TNRC18: variants seen among roughly 807,000 people sequenced by gnomAD.
TNRC18 encodes trinucleotide repeat-containing gene 18 protein.
In TNRC18, 69 loss-of-function variants were observed where a neutral mutation model predicts 226.7. That is an observed-to-expected ratio of 0.30 (90% CI 0.25 to 0.37). The LOEUF (loss-of-function observed/expected upper bound fraction) is 0.37, where lower values mean the gene tolerates loss of function less well. Ranked by LOEUF, TNRC18 falls within the 10% of genes least tolerant of loss-of-function variation. The pLI is 1.00. For synonymous variants in TNRC18, 2,449 were observed against 1,927.6 expected, an observed-to-expected ratio of 1.27 and a Z score of -7.09; for missense variants, 4,754 against 4,256.6, an observed-to-expected ratio of 1.12 and a Z score of -3.25.
rs530533363 is a variant in TNRC18, at chr7:5,397,686, G to A, written c.188-3091C>T. ...CTTTCCCGCCTGGCCCGTCAGGCACGAACTCCCAGGCCTCCTAGAATGCTC... is the reference window on the plus strand; with the variant it reads ...CTTTCCCGCCTGGCCCGTCAGGCACAAACTCCCAGGCCTCCTAGAATGCTC... On this transcript the variant is annotated intron_variant, in intron 2 of 29. Coordinates refer to ENST00000430969, the MANE Select transcript of TNRC18 (RefSeq NM_001080495.3). Among the ~76,000 whole-genome samples, 3 of 152,144 alleles carry A rather than the reference G, an allele frequency of 2.0e-5. No individual in the cohort carries two copies. In the South Asian group the frequency reaches 6.2e-4, roughly 32 times the overall value.
chr7:5,338,643 C>T (rs960447009), intron 18 of TNRC18, among the ~76,000 whole-genome samples: 2 of 144,614 alleles, frequency 1.4e-5, no homozygotes, highest in African/African-American at 2.6e-5. Context: ...AAAAAGAGCT[C>T]GGCACAGTAG....
Position 5,359,554 on chromosome 7 carries a change from A to G in TNRC18, c.4677T>C (p.Ser1559=). The change falls in exon 15 of 30, where the codon TCT becomes TCC. Residue 1559 remains serine, a synonymous_variant. Coordinates refer to ENST00000430969, the MANE Select transcript of TNRC18 (RefSeq NM_001080495.3). The part of the protein sequence containing the change: ...GHSSGKLSSK[S]LLTSDDYELG... ...GCTCATAATCATCTGATGTCAGCAG[A>G]GACTTGCTGCTCAGCCTGAAACGCA... is the stretch of plus-strand genomic sequence containing the variant. 6.2e-7 allele frequency: 1 copy of G among 1,613,898 alleles called. No homozygotes were observed. Among genetic ancestry groups the G allele is most frequent in the East Asian group, 2.2e-5 (1 of 44,880 alleles).
intron 18 of TNRC18, among the ~76,000 whole-genome samples, chr7:5,335,451 T>C (rs1789997957): frequency 1.4e-5 from 2 of 147,350 alleles, no homozygotes; most frequent in South Asian, 2.1e-4. Context: ...CTGATAAAAA[T>C]ACAAAAATTA....
intron 18 of TNRC18, 102 bp from the exon 19 acceptor site, chr7:5,333,151 CAAT>C: frequency 7.6e-7 from 1 of 1,323,972 alleles, no homozygotes; most frequent in Non-Finnish European, 1.0e-6. Flanking sequence ...ACCTCCCCGC[CAAT>C]GGCAGCGCTT....
At chr7:5,332,440 A>G (rs544532787) in intron 19 of TNRC18, among the ~76,000 whole-genome samples, 182 bp downstream of exon 19, 1 of 152,292 alleles carries the variant, frequency 6.6e-6, no homozygotes, top group African/African-American at 2.4e-5. Flanking sequence ...CTTAAGAAAC[A>G]AAGGAACAGG....
Position 5,350,645 on chromosome 7 carries a change from C to T in TNRC18, c.5470+1174G>A, listed in dbSNP as rs565709489. Among the ~76,000 whole-genome samples the T allele has an allele frequency of 2.0e-5, 3 of 152,366 alleles. No homozygotes were observed. In the South Asian group the frequency reaches 6.2e-4, roughly 32 times the overall value. ...GCTAGGAAAAAATGTCAGAGATTCA[C>T]TTGCTTCCCTTTCTTGGGGCATTTC... On this transcript the variant is annotated intron_variant, in intron 17 of 29. Coordinates refer to ENST00000430969, the MANE Select transcript of TNRC18 (RefSeq NM_001080495.3).
chr7:5,411,994 G>C (rs1453569355), intron 2 of TNRC18, among the ~76,000 whole-genome samples: 1 of 152,014 alleles, frequency 6.6e-6, no homozygotes, highest in Non-Finnish European at 1.5e-5. Flanking sequence ...AGACCAGCCT[G>C]GGCAACATAG....
intron 27 of TNRC18, among the ~76,000 whole-genome samples, chr7:5,311,249 G>C (rs1380105397): frequency 6.6e-6 from 1 of 152,270 alleles, no homozygotes; most frequent in African/African-American, 2.4e-5. Flanking sequence ...GCAAGTGTGT[G>C]TGCGTGTGTG....
At position 5,371,163 on chromosome 7, in the gene TNRC18, A is replaced by C. The variant is rs757238367; in HGVS notation, c.3431T>G (p.Leu1144Arg). Reference sequence around the variant, plus strand: ...CGGTTCTTCCTCCGGGCCCTCCCGCAGCGGCTCTGTGATCTTGGAGGGGGA... The same window carrying C: ...CGGTTCTTCCTCCGGGCCCTCCCGCCGCGGCTCTGTGATCTTGGAGGGGGA... ...RLSPSKITEP[L>R]REGPEEEPLA... is the part of the protein sequence containing the mutation. The change falls in exon 11 of 30, where the codon CTG (leucine) becomes CGG (arginine). Residue 1144 changes from leucine to arginine, a missense_variant. Leu to Arg is a moderately radical substitution (Grantham distance 102, BLOSUM62 -2). Transcript: ENST00000430969. 6 of 1,608,102 alleles carry C rather than the reference A, an allele frequency of 3.7e-6. No individual in the cohort carries two copies. The highest frequency in any genetic ancestry group is 5.1e-6 in the Non-Finnish European group (6 of 1,176,018).
intron 11 of TNRC18, among the ~76,000 whole-genome samples, chr7:5,368,296 A>T (rs1211995709): frequency 6.8e-6 from 1 of 147,536 alleles, no homozygotes; most frequent in Non-Finnish European, 1.5e-5. Flanking sequence ...GCGAAACCCC[A>T]TCTCTACTTT....
rs760566370 is a variant in TNRC18, at chr7:5,377,909, C to T, written c.2255+13G>A. 6.2e-7 allele frequency: 1 copy of T among 1,613,172 alleles called. No homozygotes were observed. The highest frequency in any genetic ancestry group is 1.7e-5 in the Admixed American group (1 of 59,964). ...ATACCCCCTAGACCCTCAGGATCCC[C>T]CGACACCCTCACCTGAGCAGCTTCT... On this transcript the variant is annotated intron_variant, in intron 6 of 29. Transcript: ENST00000430969. The surrounding 1 kb of genome is among the most constrained non-coding windows in gnomAD (Gnocchi z 5.8).
chr7:5,307,549 C>CCAAGT lies in TNRC18; in HGVS notation c.*552_*556dup, dbSNP rs986460555. 10 of 450,246 alleles carry CCAAGT rather than the reference C, an allele frequency of 2.2e-5. No individual in the cohort carries two copies. Among genetic ancestry groups the CCAAGT allele is most frequent in the African/African-American group, 1.8e-4 (9 of 49,812 alleles). 27.9% of individuals were successfully genotyped at this position (450,246 alleles called of 1,614,324 possible). ...CTGCAACCCCACCCGGCTCTGTTCC[C>CCAAGT]CAAGTCTAGGCCATCCTGAGAGGGT... On this transcript the variant is annotated 3_prime_UTR_variant, in exon 30 of 30. Transcript: ENST00000430969.
At position 5,418,643 on chromosome 7, in the gene TNRC18, G is replaced by A. The variant is rs145190662; in HGVS notation, c.187+2417C>T. On this transcript the variant is annotated intron_variant, in intron 2 of 29. Coordinates refer to ENST00000430969, the MANE Select transcript of TNRC18 (RefSeq NM_001080495.3). ...TGGCTCAACCGCTCAGGACTTCCCG[G>A]TACAAAAATAAACAAATAAAGATGG... 4.9e-3 allele frequency among the ~76,000 whole-genome samples: 753 copies of A among 152,274 alleles called. 4 individuals carry two copies. Among genetic ancestry groups the A allele is most frequent in the African/African-American group, 0.017 (721 of 41,536 alleles).
chr7:5,315,161 G>A lies in TNRC18; in HGVS notation c.6863-13C>T. ...GACGGCTCAGCACCTGTGGGGCAGA[G>A]GACAGAGTGGCTCATCAGGCCTGGG... is the stretch of plus-strand genomic sequence containing the variant. On this transcript the variant is annotated splice_polypyrimidine_tract_variant and intron_variant, in intron 25 of 29. Coordinates refer to ENST00000430969, the MANE Select transcript of TNRC18 (RefSeq NM_001080495.3). 2 of 1,609,108 alleles carry A rather than the reference G, an allele frequency of 1.2e-6. No individual in the cohort carries two copies. Among genetic ancestry groups the A allele is most frequent in the Non-Finnish European group, 1.7e-6 (2 of 1,178,276 alleles).
chr7:5,401,047 A>G (rs1467704689), intron 2 of TNRC18, among the ~76,000 whole-genome samples: 8 of 152,126 alleles, frequency 5.3e-5, no homozygotes, highest in African/African-American at 1.9e-4. Flanking sequence ...AAAATTTATT[A>G]AAAATTAAAA....
At chr7:5,375,281 C>G (rs1562573570) in intron 9 of TNRC18, among the ~76,000 whole-genome samples, 1 of 152,132 alleles carries the variant, frequency 6.6e-6, no homozygotes, top group Non-Finnish European at 1.5e-5. Flanking sequence ...TGCACTCCAG[C>G]CTGGGCGACA....
chr7:5,320,367 G>A lies in TNRC18; in HGVS notation c.6696C>T (p.Ala2232=). The A allele has an allele frequency of 6.4e-7, 1 of 1,560,618 alleles. No homozygotes were observed. Among genetic ancestry groups the A allele is most frequent in the Non-Finnish European group, 8.7e-7 (1 of 1,152,210 alleles). ...GACAGCGGTACTGCTGGCTCCAGTA[G>A]GCTGCAATCCTGGTCCCTTGTGGCA... is the stretch of plus-strand genomic sequence containing the variant. The part of the protein sequence containing the change: ...RFLPQGTRIA[A]YWSQQYRCLY... The change falls in exon 24 of 30, where the codon GCC becomes GCT. Residue 2232 remains alanine (A), a synonymous_variant. Transcript: ENST00000430969.
chr7:5,333,085 C>T (rs770245996), intron 18 of TNRC18, 36 bp from the exon 19 acceptor site: 3 of 1,541,190 alleles, frequency 1.9e-6, no homozygotes, highest in Admixed American at 1.9e-5. Context: ...GTCACAGCCT[C>T]GTGGGGACCC....
intron 11 of TNRC18, among the ~76,000 whole-genome samples, chr7:5,366,318 CT>C (rs202053648): frequency 5.7e-3 from 404 of 70,396 alleles, no homozygotes; most frequent in Middle Eastern, 0.012. Flanking sequence ...CTTCTTATAT[CT>C]TTTTTTTTTT....
Sources: allele counts gnomAD v4.1 joint callset (sites outside exome capture counted in the v4.1 genomes callset), GRCh38; gene constraint gnomAD v4.1.1; non-coding constraint Gnocchi (gnomAD v3.1); transcripts MANE v1.5; gene names NCBI Gene and HGNC (gene_info 2026-07-23, HGNC 2026-07-21).